Variants in MRPL48 observed in about 807,000 individuals in gnomAD.
MRPL48 encodes the protein mitochondrial ribosomal protein L48.
In MRPL48, 16 loss-of-function variants were observed where a neutral mutation model predicts 32.9. The ratio of observed to expected loss-of-function variants is 0.49; its 90% CI spans 0.33 to 0.74. The LOEUF is 0.74. Among genes scored for constraint, MRPL48 ranks in the 30% least tolerant of loss-of-function variants. The pLI is 0.02. For missense variants in MRPL48, 206 were observed against 245.3 expected (o/e 0.84, Z 1.07); for synonymous variants, 94 against 89.2 (o/e 1.05, Z -0.31).
At chr11:73,796,946 A>G (rs534535790) in intron 1 of MRPL48, among the ~76,000 whole-genome samples, 135 of 152,290 alleles carry the variant, frequency 8.9e-4, no homozygotes, top group Middle Eastern at 3.4e-3. Flanking sequence ...GGGCGCCTGT[A>G]ATCCCAGCTA....
intron 4 of MRPL48, among the ~76,000 whole-genome samples, chr11:73,831,313 C>T (rs1028322635): frequency 6.6e-6 from 1 of 152,166 alleles, no homozygotes; most frequent in Non-Finnish European, 1.5e-5. Flanking sequence ...TTTCAGCTCG[C>T]TTACAGTATG....
At chr11:73,804,228 A>AT (rs1444499069) in intron 1 of MRPL48, among the ~76,000 whole-genome samples, 2 of 149,010 alleles carry the variant, frequency 1.3e-5, no homozygotes, top group East Asian at 4.1e-4. Context: ...TATCACTGTT[A>AT]TTGAGAGAGA....
chr11:73,802,471 A>G (rs993481550), intron 1 of MRPL48, among the ~76,000 whole-genome samples: 1 of 152,212 alleles, frequency 6.6e-6, no homozygotes, highest in African/African-American at 2.4e-5. Context: ...GCAGTCATCC[A>G]CAGCTCCCCA....
At chr11:73,860,116 G>A in intron 6 of MRPL48, 107 bp downstream of exon 6, 2 of 929,642 alleles carry the variant, frequency 2.2e-6, no homozygotes, top group South Asian at 1.7e-5. Flanking sequence ...TTGAATAATA[G>A]TGTTCTCCAG....
chr11:73,825,653 A>G (rs11235922), intron 3 of MRPL48, 55 bp from the exon 4 acceptor site: 11 of 1,475,284 alleles, frequency 7.5e-6, no homozygotes, highest in Non-Finnish European at 1.0e-5. Context: ...CTCTTAAAAA[A>G]CAACGATAAT....
At position 73,787,917 on chromosome 11, in the gene MRPL48, G is replaced by A. The variant is rs1947067853; in HGVS notation, c.-55G>A. 2.5e-6 allele frequency: 4 copies of A among 1,600,922 alleles called. No individual in the cohort carries two copies. Among genetic ancestry groups the A allele is most frequent in the Non-Finnish European group, 3.4e-6 (4 of 1,172,402 alleles). On this transcript the variant is annotated 5_prime_UTR_variant, in exon 1 of 8. Transcript: ENST00000310614. ...GTGTTTTCAGACGCCCTGGGAACGCGGCTGCAGGGTCCGGTCTTCGGTTTG... is the reference window on the plus strand; with the variant it reads ...GTGTTTTCAGACGCCCTGGGAACGCAGCTGCAGGGTCCGGTCTTCGGTTTG...
intron 4 of MRPL48, among the ~76,000 whole-genome samples, chr11:73,828,087 G>T (rs964417887): frequency 6.6e-6 from 1 of 151,984 alleles, no homozygotes; most frequent in Non-Finnish European, 1.5e-5. Context: ...GAGAAATTCT[G>T]GATTAGAATA....
At chr11:73,826,778 T>C (rs916564444) in intron 4 of MRPL48, among the ~76,000 whole-genome samples, 14 of 148,928 alleles carry the variant, frequency 9.4e-5, no homozygotes, top group East Asian at 3.9e-4. Flanking sequence ...TATTTTCTTT[T>C]TTTTTTTTTT....
chr11:73,839,009 T>C (rs1214763257), intron 4 of MRPL48, among the ~76,000 whole-genome samples: 1 of 152,214 alleles, frequency 6.6e-6, no homozygotes, highest in African/African-American at 2.4e-5. Context: ...TGCTGGGCCC[T>C]GTGCTAGATA....
chr11:73,823,716 T>C (rs1159504256), intron 3 of MRPL48, among the ~76,000 whole-genome samples: 1 of 147,836 alleles, frequency 6.8e-6, no homozygotes, highest in Non-Finnish European at 1.5e-5. Context: ...CGGGCTGAAG[T>C]GCAGCAGCTA....
intron 6 of MRPL48, among the ~76,000 whole-genome samples, chr11:73,861,218 T>A (rs187638400): frequency 6.6e-6 from 1 of 152,234 alleles, no homozygotes; most frequent in Non-Finnish European, 1.5e-5. Context: ...ATTTATAATA[T>A]ATCCTGTGAC....
intron 5 of MRPL48, among the ~76,000 whole-genome samples, chr11:73,853,839 T>C (rs975733459): frequency 1.3e-5 from 2 of 151,864 alleles, no homozygotes; most frequent in East Asian, 1.9e-4. Flanking sequence ...TACAGGTCCC[T>C]GCCACCACGC....
At chr11:73,826,597 A>G (rs976409854) in intron 4 of MRPL48, among the ~76,000 whole-genome samples, 3 of 151,468 alleles carry the variant, frequency 2.0e-5, no homozygotes, top group East Asian at 2.0e-4. Flanking sequence ...TCATGCTTCA[A>G]CCTCCCAAGT....
intron 4 of MRPL48, among the ~76,000 whole-genome samples, chr11:73,844,569 A>G (rs907584578): frequency 2.0e-5 from 3 of 152,214 alleles, no homozygotes; most frequent in Non-Finnish European, 4.4e-5. Flanking sequence ...CAAGTAATTC[A>G]TGTATTCAAG....
intron 1 of MRPL48, among the ~76,000 whole-genome samples, chr11:73,788,484 TTTTTTTTTTTGACGGA>T (rs1947090000): frequency 6.8e-6 from 1 of 147,606 alleles, no homozygotes; most frequent in Non-Finnish European, 1.5e-5. Flanking sequence ...TTTTTTTTTT[TTTTTTTTTTTGACGGA>T]TTTCGCTCTG....
chr11:73,819,232 TA>T (rs1947730802), intron 3 of MRPL48, among the ~76,000 whole-genome samples: 1 of 152,256 alleles, frequency 6.6e-6, no homozygotes, highest in African/African-American at 2.4e-5. Context: ...GCAGATGCTC[TA>T]ATTATAGGAA....
intron 1 of MRPL48, among the ~76,000 whole-genome samples, chr11:73,789,168 G>A (rs76309165): frequency 1.1e-4 from 17 of 151,498 alleles, no homozygotes; most frequent in African/African-American, 4.1e-4. Context: ...CAAGATAATA[G>A]AAAAAAAAAT....
chr11:73,831,172 A>G (rs1565099761), intron 4 of MRPL48, among the ~76,000 whole-genome samples: 1 of 152,042 alleles, frequency 6.6e-6, no homozygotes, highest in East Asian at 1.9e-4. Flanking sequence ...GGCCCGGTTT[A>G]TAACTCTGAA....
chr11:73,829,371 T>C (rs561678179), intron 4 of MRPL48, among the ~76,000 whole-genome samples: 1 of 152,220 alleles, frequency 6.6e-6, no homozygotes, highest in Non-Finnish European at 1.5e-5. Flanking sequence ...TTTTTTTTTT[T>C]CTTTTTTAAA....
Sources: gnomAD v4.1 joint callset for allele counts (sites outside exome capture counted in the v4.1 genomes callset) on GRCh38, gnomAD v4.1.1 for gene constraint, MANE v1.5 for transcripts, NCBI Gene and HGNC (gene_info 2026-07-23, HGNC 2026-07-21) for gene names.